Variants in EPAS1 observed in about 807,000 individuals in gnomAD.
EPAS1 encodes the protein endothelial PAS domain protein 1, also known as endothelial PAS domain-containing protein 1.
Under a neutral mutation model 87.9 loss-of-function variants are expected in EPAS1, and 23 were observed. The ratio of observed to expected loss-of-function variants is 0.26; its 90% CI spans 0.19 to 0.37. EPAS1 has a LOEUF of 0.37. EPAS1 is among the 10% of genes least tolerant of loss of function. The pLI is 1.00. For missense variants in EPAS1, 1,138 were observed against 1,120.7 expected, an observed-to-expected ratio of 1.02 and a Z score of -0.22; for synonymous variants, 508 against 444.3, an observed-to-expected ratio of 1.14 and a Z score of -1.80.
At chr2:46,366,923 C>T (rs960000799) in intron 6 of EPAS1, among the ~76,000 whole-genome samples, 1 of 152,256 alleles carries the variant, frequency 6.6e-6, no homozygotes, top group African/African-American at 2.4e-5. Context: ...GGCGAATGAC[C>T]ATGAGCTTTA....
Position 46,384,520 on chromosome 2 carries a change from C to G in EPAS1, c.2473C>G (p.Arg825Gly). 6.2e-7 allele frequency: 1 copy of G among 1,614,204 alleles called. No homozygotes were observed. Among genetic ancestry groups the G allele is most frequent in the African/African-American group, 1.3e-5 (1 of 75,052 alleles). ...SAHKVSGMAS[R>G]LLGPSFESYL... ...AACCCTTCTTTCAGGCATGGCAAGCCGGCTGCTCGGGCCCTCATTTGAGTC... is the reference window on the plus strand; with the variant it reads ...AACCCTTCTTTCAGGCATGGCAAGCGGGCTGCTCGGGCCCTCATTTGAGTC... Residue 825 changes from arginine (R) to glycine (G), a missense_variant, in exon 16 of 16, where the codon CGG (arginine) becomes GGG (glycine). Around this residue, in one of 4 missense-constraint regions of EPAS1, gnomAD observed 502 missense variants for 427.1 expected, o/e 1.18. Transcript: ENST00000263734.
intron 1 of EPAS1, among the ~76,000 whole-genome samples, chr2:46,302,116 CTCTGTG>C (rs1683013426): frequency 1.8e-5 from 1 of 54,538 alleles, no homozygotes; most frequent in East Asian, 3.3e-4. Context: ...CCCTCTTTCT[CTCTGTG>C]TGTGTGTGTG....
intron 1 of EPAS1, among the ~76,000 whole-genome samples, chr2:46,332,921 G>T (rs980064574): frequency 6.6e-6 from 1 of 152,202 alleles, no homozygotes; most frequent in African/African-American, 2.4e-5. Flanking sequence ...GGATGGGACG[G>T]GTCAGGAGGG....
intron 10 of EPAS1, among the ~76,000 whole-genome samples, chr2:46,378,383 C>T (rs1230142517): frequency 6.6e-6 from 1 of 152,236 alleles, no homozygotes; most frequent in Non-Finnish European, 1.5e-5. Context: ...CACAGCCCTG[C>T]TGGCCACAGC....
chr2:46,326,198 C>T (rs766547708), intron 1 of EPAS1, among the ~76,000 whole-genome samples: 1 of 152,168 alleles, frequency 6.6e-6, no homozygotes, highest in Non-Finnish European at 1.5e-5. Flanking sequence ...ACTCTCCCAC[C>T]AGCAGGGAAC....
Position 46,362,986 on chromosome 2 carries a change from G to GGTGGTA in EPAS1, c.779+1901_779+1902insAGTGGT, listed in dbSNP as rs1553395696. Among the ~76,000 whole-genome samples the GGTGGTA allele has an allele frequency of 2.4e-4, 23 of 94,514 alleles. 1 individual carries two copies. The highest frequency in any genetic ancestry group is 6.4e-4 in the African/African-American group (16 of 25,194). The allele number at this position is 94,514 out of a possible 152,430, so 62.0% of individuals were successfully genotyped here. A position where few individuals can be genotyped will look rare whatever the true frequency, so the allele number is the denominator to read the frequency against. On this transcript the variant is annotated intron_variant, in intron 6 of 15. Transcript: ENST00000263734. Reference sequence around the variant, plus strand: ...TGGTGGTGGTGGTGGTAGTGGTGGTGGTGGTGGTGGTGGTGGTGGTGGTGG... The same window carrying GGTGGTA: ...TGGTGGTGGTGGTGGTAGTGGTGGTGGTGGTAGTGGTGGTGGTGGTGGTGGTGGTGG...
In EPAS1 at chr2:46,347,329, G is replaced by A; in HGVS notation, c.217+266G>A. Reference sequence around the variant, plus strand: ...CACCCAGAGGCTGTGGAGAACACGGGCTGGGAGAACCAAGGACGGCTTTTG... The same window carrying A: ...CACCCAGAGGCTGTGGAGAACACGGACTGGGAGAACCAAGGACGGCTTTTG... On this transcript the variant is annotated intron_variant, in intron 2 of 15. Transcript: ENST00000263734. This position sits in a 1 kb window ranked among gnomAD's most constrained non-coding sequence, Gnocchi z 4.2. 3 of 546,044 alleles carry A rather than the reference G, an allele frequency of 5.5e-6. No individual in the cohort carries two copies. Among genetic ancestry groups the A allele is most frequent in the Non-Finnish European group, 9.9e-6 (3 of 303,008 alleles). 33.8% of individuals were successfully genotyped at this position (546,044 alleles called of 1,614,324 possible).
intron 9 of EPAS1, among the ~76,000 whole-genome samples, chr2:46,377,009 CT>C (rs1451212273): frequency 1.3e-5 from 2 of 152,196 alleles, no homozygotes; most frequent in African/African-American, 2.4e-5. Context: ...GGACACCCCC[CT>C]GAGGGTCGAT....
intron 12 of EPAS1, chr2:46,381,308 G>A (rs766973761): frequency 8.3e-6 from 4 of 479,324 alleles, no homozygotes; most frequent in Non-Finnish European, 1.5e-5. Context: ...GCAAAAGGCA[G>A]AGGAGAGACA....
At chr2:46,356,936 A>T (rs1684282404) in intron 4 of EPAS1, 128 bp downstream of exon 4, 1 of 721,200 alleles carries the variant, frequency 1.4e-6, no homozygotes. Flanking sequence ...TCCTTAAAAA[A>T]TTTAAGTATG....
chr2:46,319,480 A>G (rs1683412262), intron 1 of EPAS1, among the ~76,000 whole-genome samples: 1 of 152,260 alleles, frequency 6.6e-6, no homozygotes, highest in Non-Finnish European at 1.5e-5. Flanking sequence ...AACTTTAAAG[A>G]AAGTATCATT....
chr2:46,350,555 G>C (rs953805837), intron 2 of EPAS1, among the ~76,000 whole-genome samples: 1 of 152,198 alleles, frequency 6.6e-6, no homozygotes, highest in Non-Finnish European at 1.5e-5. Flanking sequence ...TAGCTGCCAC[G>C]CTGGGCTGAG....
Position 46,361,987 on chromosome 2 carries a change from A to G in EPAS1, c.779+897A>G, listed in dbSNP as rs370455280. ...GATGCCCGGAGCAATGGCCGGCCCC[A>G]GGGAGGGAAGGAAATGCAGAAGACT... is the stretch of plus-strand genomic sequence containing the variant. On this transcript the variant is annotated intron_variant, in intron 6 of 15. Coordinates refer to ENST00000263734, the MANE Select transcript of EPAS1 (RefSeq NM_001430.5). Among the ~76,000 whole-genome samples, 5 of 152,266 alleles carry G rather than the reference A, an allele frequency of 3.3e-5. No individual in the cohort carries two copies. In the East Asian group the frequency reaches 7.7e-4, roughly 23 times the overall value.
intron 15 of EPAS1, among the ~76,000 whole-genome samples, chr2:46,383,284 A>G (rs1024495131): frequency 5.3e-5 from 8 of 152,352 alleles, no homozygotes; most frequent in African/African-American, 1.9e-4. Flanking sequence ...CAGGTAGAAC[A>G]GCCTGGAAAG....
Position 46,375,781 on chromosome 2 carries a change from C to G in EPAS1, c.978C>G (p.Ile326Met). The G allele has an allele frequency of 6.2e-7, 1 of 1,614,260 alleles. No homozygotes were observed. Among genetic ancestry groups the G allele is most frequent in the Non-Finnish European group, 8.5e-7 (1 of 1,180,044 alleles). The stretch of plus-strand genomic sequence containing the variant: ...GGCTGGAGACCCAGGGGACGGTCAT[C>G]TACAACCCTCGCAACCTGCAGCCCC... Reference protein sequence around the residue: ...YVWLETQGTVIYNPRNLQPQC... With the variant: ...YVWLETQGTVMYNPRNLQPQC... The change falls in exon 8 of 16, where the codon ATC becomes ATG. Residue 326 changes from isoleucine (I) to methionine (M), a missense_variant. Ile to Met is a conservative substitution (Grantham distance 10, BLOSUM62 1). Coordinates refer to ENST00000263734, the MANE Select transcript of EPAS1 (RefSeq NM_001430.5). The surrounding 1 kb of genome is among the most constrained non-coding windows in gnomAD (Gnocchi z 4.1).
intron 15 of EPAS1, among the ~76,000 whole-genome samples, chr2:46,383,028 T>G (rs573466121): frequency 4.0e-5 from 6 of 151,802 alleles, no homozygotes; most frequent in Non-Finnish European, 1.5e-5. Flanking sequence ...AGAGAGAGAG[T>G]TGGGAAGCGG....
At chr2:46,369,211 G>T (rs1368093424) in intron 6 of EPAS1, among the ~76,000 whole-genome samples, 3 of 152,108 alleles carry the variant, frequency 2.0e-5, no homozygotes, top group African/African-American at 7.2e-5. Flanking sequence ...AGTGTCCGAG[G>T]GCACCTGAGG....
chr2:46,315,942 T>C lies in EPAS1; in HGVS notation c.26+18005T>C, dbSNP rs147718587. Among the ~76,000 whole-genome samples the C allele has an allele frequency of 3.6e-3, 544 of 152,342 alleles. 1 individual carries two copies. The highest frequency in any genetic ancestry group is 0.013 in the African/African-American group (521 of 41,588). ...TTGCTAAGTTGTTTTCTTCTGATTA[T>C]AAAAAATATACATGTTCCCCATAAA... On this transcript the variant is annotated intron_variant, in intron 1 of 15. Transcript: ENST00000263734.
chr2:46,324,356 T>C (rs2104852357), intron 1 of EPAS1, among the ~76,000 whole-genome samples: 1 of 152,344 alleles, frequency 6.6e-6, no homozygotes. Context: ...TGTGAGCCAC[T>C]GCGCCCAGCC....
Sources: gnomAD v4.1 joint callset for allele counts (sites outside exome capture counted in the v4.1 genomes callset) on GRCh38, gnomAD v4.1.1 for gene constraint, gnomAD v4.1.1 regional missense constraint, Gnocchi (gnomAD v3.1) non-coding constraint, MANE v1.5 for transcripts, NCBI Gene and HGNC (gene_info 2026-07-23, HGNC 2026-07-21) for gene names.